The following DAPK2 variants were observed in gnomAD, a reference collection of about 807,000 sequenced individuals.
DAPK2 encodes the protein death associated protein kinase 2.
DAPK2 carries 35 observed loss-of-function variants against 44.1 expected under a neutral mutation model. That is an observed-to-expected ratio of 0.79 (90% CI 0.61 to 1.05). The LOEUF is 1.05. Among genes scored for constraint, DAPK2 ranks in the 50% least tolerant of loss-of-function variants. DAPK2 has a pLI of 0.00. For synonymous variants in DAPK2, 174 were observed against 182.6 expected, an observed-to-expected ratio of 0.95 and a Z score of 0.38; for missense variants, 453 against 483.2, an observed-to-expected ratio of 0.94 and a Z score of 0.59.
rs925174778 is a variant in DAPK2 at position 63,912,435 on chromosome 15, T to G, written c.859-238A>C. On this transcript the variant is annotated intron_variant, in intron 8 of 10. Transcript: ENST00000261891. The surrounding 1 kb of genome is among the most constrained non-coding windows in gnomAD (Gnocchi z 4.4). ...CCACAGCCTGACACACACACAGCCT[T>G]GGCTGGAGGCTCAGCAGCTCCTGAA... is the stretch of plus-strand genomic sequence containing the variant. Among the ~76,000 whole-genome samples, 1 of 152,240 alleles carries G rather than the reference T, an allele frequency of 6.6e-6. No individual in the cohort carries two copies. Among genetic ancestry groups the G allele is most frequent in the South Asian group, 2.1e-4 (1 of 4,836 alleles).
chr15:64,014,189 G>A (rs1223109972), intron 1 of DAPK2, among the ~76,000 whole-genome samples: 1 of 152,190 alleles, frequency 6.6e-6, no homozygotes, highest in Admixed American at 6.5e-5. Context: ...TGGGTTTTTA[G>A]GAATACTACC....
chr15:63,935,387 G>A (rs984725856), intron 4 of DAPK2, among the ~76,000 whole-genome samples: 10 of 152,050 alleles, frequency 6.6e-5, no homozygotes, highest in East Asian at 3.9e-4. Flanking sequence ...CACCATGCCC[G>A]GCCTCATTCT....
At chr15:63,968,743 ACT>A (rs1034788373) in intron 3 of DAPK2, among the ~76,000 whole-genome samples, 32 of 152,180 alleles carry the variant, frequency 2.1e-4, no homozygotes, top group Non-Finnish European at 4.1e-4. Context: ...GTACATGGTA[ACT>A]CAGCCTGGCT....
At chr15:63,940,666 C>A (rs1441877148) in intron 3 of DAPK2, among the ~76,000 whole-genome samples, 1 of 151,910 alleles carries the variant, frequency 6.6e-6, no homozygotes, top group Non-Finnish European at 1.5e-5. Context: ...GAACCAAGAT[C>A]GTGCCACTGC....
intron 2 of DAPK2, among the ~76,000 whole-genome samples, chr15:63,978,655 C>T (rs75930220): frequency 9.2e-5 from 14 of 152,284 alleles, no homozygotes; most frequent in Middle Eastern, 3.4e-3. Flanking sequence ...CACCTCTTTT[C>T]AAAGCCAAAC....
upstream of DAPK2, chr15:64,040,378 T>C: frequency 1.3e-6 from 1 of 791,702 alleles, no homozygotes; most frequent in Non-Finnish European, 2.2e-6. Context: ...TTAGTAATAA[T>C]CCACAGCCTT....
chr15:63,923,399 G>A lies in DAPK2; in HGVS notation c.858+1417C>T, dbSNP rs1371771635. On this transcript the variant is annotated intron_variant, in intron 8 of 10. Coordinates refer to ENST00000261891, the Ensembl canonical transcript of DAPK2. The surrounding 1 kb of genome is among the most constrained non-coding windows in gnomAD (Gnocchi z 4.2). ...TGTTAATTTGCCGCCCACCCCAGAGGGCAGTCCAAAGGGTAGGCAGAAGGC... is the reference window on the plus strand; with the variant it reads ...TGTTAATTTGCCGCCCACCCCAGAGAGCAGTCCAAAGGGTAGGCAGAAGGC... The A allele has an allele frequency of 2.1e-5, 31 of 1,506,572 alleles. No individual in the cohort carries two copies. The East Asian group carries it at 7.6e-4, about 37-fold the overall frequency. 93.3% of individuals were successfully genotyped at this position (1,506,572 alleles called of 1,614,324 possible).
intron 1 of DAPK2, among the ~76,000 whole-genome samples, chr15:64,016,017 G>A (rs1213672498): frequency 7.9e-5 from 12 of 152,238 alleles, no homozygotes; most frequent in Admixed American, 7.9e-4. Flanking sequence ...GGGGCATAGG[G>A]AGGAAGGCTT....
intron 4 of DAPK2, among the ~76,000 whole-genome samples, chr15:63,931,129 C>T (rs2079541103): frequency 6.6e-6 from 1 of 152,122 alleles, no homozygotes; most frequent in Non-Finnish European, 1.5e-5. Flanking sequence ...GGTCATTTGA[C>T]AACTTAGCAA....
intron 10 of DAPK2, among the ~76,000 whole-genome samples, chr15:63,910,456 T>G (rs2078757889): frequency 6.6e-6 from 1 of 152,212 alleles, no homozygotes; most frequent in East Asian, 1.9e-4. Flanking sequence ...TACACCACGC[T>G]CCATAAGCGG....
rs765715824 is a variant in DAPK2, at chr15:63,971,414, C to T, written c.453+9G>A. On this transcript the variant is annotated intron_variant, in intron 3 of 10. Coordinates refer to ENST00000261891, the Ensembl canonical transcript of DAPK2. ...AACTTGATTCTTTTCCCTTTCTCCC[C>T]TTACTGACCTTGAGATCAAAGTGAG... 3.1e-6 allele frequency: 5 copies of T among 1,614,066 alleles called. No homozygotes were observed. The South Asian group carries it at 4.4e-5, about 14-fold the overall frequency.
chr15:63,912,306 C>G lies in DAPK2; in HGVS notation c.859-109G>C. On this transcript the variant is annotated intron_variant, in intron 8 of 10. Coordinates refer to ENST00000261891, the Ensembl canonical transcript of DAPK2. This position sits in a 1 kb window ranked among gnomAD's most constrained non-coding sequence, Gnocchi z 4.4. ...GCATGCCCACCGCCCTTGGCTTGAC[C>G]CTGGCATCTCCCCGCCAGGTGGGGC... 1 of 1,028,314 alleles carries G rather than the reference C, an allele frequency of 9.7e-7. No individual in the cohort carries two copies. The allele number at this position is 1,028,314 out of a possible 1,614,324, so 63.7% of individuals were successfully genotyped here. A position where few individuals can be genotyped will look rare whatever the true frequency, so the allele number is the denominator to read the frequency against.
chr15:63,929,932 C>G, intron 5 of DAPK2: 1 of 458,520 alleles, frequency 2.2e-6, no homozygotes, highest in South Asian at 1.9e-5. Context: ...TTTAGAAAAC[C>G]AGGTAACAAA....
At chr15:64,036,039 G>A (rs899788794) in intron 1 of DAPK2, among the ~76,000 whole-genome samples, 32 of 151,774 alleles carry the variant, frequency 2.1e-4, no homozygotes, top group African/African-American at 7.3e-4. Context: ...TTGGGGGGAG[G>A]ATCACAAGGT....
intron 3 of DAPK2, among the ~76,000 whole-genome samples, chr15:63,953,937 C>T (rs2077655984): frequency 6.6e-6 from 1 of 152,168 alleles, no homozygotes; most frequent in Non-Finnish European, 1.5e-5. Flanking sequence ...AATGTCTATT[C>T]AGATCTTTTG....
intron 1 of DAPK2, among the ~76,000 whole-genome samples, chr15:63,996,433 C>A (rs1260905810): frequency 6.6e-6 from 1 of 152,132 alleles, no homozygotes; most frequent in Non-Finnish European, 1.5e-5. Flanking sequence ...CAGAGCAAGA[C>A]CCTGGCTCTA....
At chr15:64,043,295 T>C (rs1321136204), upstream of DAPK2, among the ~76,000 whole-genome samples, 3 of 152,204 alleles carry the variant, frequency 2.0e-5, no homozygotes, top group Non-Finnish European at 4.4e-5. Flanking sequence ...TCCCAAATGA[T>C]CCACGTTAGA....
chr15:63,908,772 A>G lies in DAPK2; in HGVS notation c.1033-172T>C, dbSNP rs2146449028. 2 of 460,172 alleles carry G rather than the reference A, an allele frequency of 4.3e-6. No homozygotes were observed. Among genetic ancestry groups the G allele is most frequent in the South Asian group, 7.9e-5 (2 of 25,350 alleles). 28.5% of individuals were successfully genotyped at this position (460,172 alleles called of 1,614,324 possible). A position where few individuals can be genotyped will look rare whatever the true frequency, so the allele number is the denominator to read the frequency against. The stretch of plus-strand genomic sequence containing the variant: ...ATCCAGGGGCTGGGGGATGGGAGGG[A>G]TCTGAAACGAGGCCAGACCAACTGC... On this transcript the variant is annotated intron_variant, in intron 10 of 10. Coordinates refer to ENST00000261891, the Ensembl canonical transcript of DAPK2. This position sits in a 1 kb window ranked among gnomAD's most constrained non-coding sequence, Gnocchi z 5.7.
intron 4 of DAPK2, among the ~76,000 whole-genome samples, chr15:63,933,564 A>T (rs1402881909): frequency 6.9e-6 from 1 of 145,804 alleles, no homozygotes; most frequent in East Asian, 2.1e-4. Context: ...TTTTTATTGT[A>T]TCTTACTGAA....
Sources: allele counts gnomAD v4.1 joint callset (sites outside exome capture counted in the v4.1 genomes callset), GRCh38; gene constraint gnomAD v4.1.1; non-coding constraint Gnocchi (gnomAD v3.1); transcripts MANE v1.5; gene names NCBI Gene and HGNC (gene_info 2026-07-23, HGNC 2026-07-21).